IL1R1: variants seen among roughly 807,000 people sequenced by gnomAD.
IL1R1 encodes interleukin-1 receptor type 1.
Under a neutral mutation model 50.2 loss-of-function variants are expected in IL1R1, and 22 were observed. The observed-to-expected ratio is 0.44, with a 90% CI of 0.31 to 0.63. The LOEUF (loss-of-function observed/expected upper bound fraction) is 0.63, where lower values mean the gene tolerates loss of function less well. Among genes scored for constraint, IL1R1 ranks in the 20% least tolerant of loss-of-function variants. The pLI, the probability that IL1R1 is intolerant of heterozygous loss-of-function variation, is 0.07. For missense variants in IL1R1, 509 were observed against 676.2 expected (o/e 0.75, Z 2.74); for synonymous variants, 251 against 236.7 (o/e 1.06, Z -0.55).
At chr2:102,098,242 G>A (rs546694078) in intron 1 of IL1R1, among the ~76,000 whole-genome samples, 1 of 152,234 alleles carries the variant, frequency 6.6e-6, no homozygotes, top group African/African-American at 2.4e-5. Context: ...CAGGAAGAGA[G>A]GAGGTCATTC....
chr2:102,152,497 T>A (rs1577974240), intron 1 of IL1R1, among the ~76,000 whole-genome samples: 1 of 76,770 alleles, frequency 1.3e-5, no homozygotes. Context: ...AGAGCAAGAC[T>A]CCGTCTCAAA....
chr2:102,136,374 A>ATTTTTTTTTT (rs10664336), intron 1 of IL1R1, among the ~76,000 whole-genome samples: 2 of 118,392 alleles, frequency 1.7e-5, no homozygotes, highest in Admixed American at 9.8e-5. Flanking sequence ...GGATAACAGT[A>ATTTTTTTTTT]TTTTTTTTTT....
At chr2:102,100,387 A>G (rs1317552295), upstream of IL1R1, among the ~76,000 whole-genome samples, 1 of 152,180 alleles carries the variant, frequency 6.6e-6, no homozygotes, top group Non-Finnish European at 1.5e-5. Flanking sequence ...AATACCTGGA[A>G]CTGAGCCTGA....
Position 102,172,667 on chromosome 2 carries a change from T to A in IL1R1, c.840-20T>A. 6.3e-7 allele frequency: 1 copy of A among 1,580,614 alleles called. No homozygotes were observed. Among genetic ancestry groups the A allele is most frequent in the South Asian group, 1.2e-5 (1 of 86,688 alleles). On this transcript the variant is annotated intron_variant, in intron 8 of 11. Coordinates refer to ENST00000410023, the MANE Select transcript of IL1R1 (RefSeq NM_000877.4). ...ATGCAATTAACTTACACAAGTTTAT[T>A]TACTCTCTCTCTCGAATAGTGTGGA...
intron 9 of IL1R1, 108 bp from the exon 10 acceptor site, chr2:102,174,479 T>A: frequency 1.4e-6 from 1 of 735,592 alleles, no homozygotes; most frequent in South Asian, 2.1e-5. Context: ...TGCAGGCCAT[T>A]CCCAGATATG....
chr2:102,133,782 G>A (rs1345211718), intron 1 of IL1R1, among the ~76,000 whole-genome samples: 4 of 152,060 alleles, frequency 2.6e-5, no homozygotes, highest in African/African-American at 2.4e-5. Flanking sequence ...GGATGTGTAC[G>A]AAAGGTCTAT....
At chr2:102,158,862 G>A (rs1028235089) in intron 3 of IL1R1, among the ~76,000 whole-genome samples, 4 of 152,160 alleles carry the variant, frequency 2.6e-5, no homozygotes, top group Non-Finnish European at 5.9e-5. Context: ...CCAGTGAAGA[G>A]GCAAGCCATG....
intron 11 of IL1R1, chr2:102,175,889 C>T (rs1686088163): frequency 3.4e-6 from 2 of 596,662 alleles, no homozygotes; most frequent in Non-Finnish European, 5.9e-6. Flanking sequence ...TTAAACCCAA[C>T]AGTTGCTTTA....
intron 1 of IL1R1, among the ~76,000 whole-genome samples, chr2:102,135,597 T>C (rs904527210): frequency 1.1e-4 from 16 of 152,132 alleles, no homozygotes; most frequent in African/African-American, 3.9e-4. Flanking sequence ...GATCACCTGG[T>C]TGATCAAAAG....
chr2:102,165,326 C>T, intron 5 of IL1R1, 22 bp downstream of exon 5: 3 of 1,338,746 alleles, frequency 2.2e-6, no homozygotes, highest in Non-Finnish European at 3.1e-6. Context: ...TTAAATATGA[C>T]ATTTCACTTT....
intron 7 of IL1R1, 34 bp downstream of exon 7, chr2:102,168,697 GGT>G (rs35268097): frequency 1.6e-4 from 186 of 1,183,784 alleles, no homozygotes; most frequent in East Asian, 3.0e-4. Context: ...TGCTGGAATC[GGT>G]TTTTTTTTTT....
intron 1 of IL1R1, among the ~76,000 whole-genome samples, chr2:102,108,071 A>G (rs1680519071): frequency 6.6e-6 from 1 of 152,194 alleles, no homozygotes; most frequent in South Asian, 2.1e-4. Flanking sequence ...GAATAGAGGA[A>G]AAGCAAAAAT....
chr2:102,168,557 C>G, intron 6 of IL1R1, 41 bp from the exon 7 acceptor site: 1 of 1,506,448 alleles, frequency 6.6e-7, no homozygotes, highest in Non-Finnish European at 9.2e-7. Flanking sequence ...AGATTCTGAT[C>G]TATAAGAGAC....
At chr2:102,128,352 C>T (rs1681839694) in intron 1 of IL1R1, among the ~76,000 whole-genome samples, 1 of 152,136 alleles carries the variant, frequency 6.6e-6, no homozygotes, top group Non-Finnish European at 1.5e-5. Context: ...TTCTCAATAC[C>T]TCTATGGTAT....
chr2:102,116,941 G>C (rs974557531), intron 1 of IL1R1, among the ~76,000 whole-genome samples: 1 of 152,128 alleles, frequency 6.6e-6, no homozygotes, highest in African/African-American at 2.4e-5. Context: ...ATTGTGACGT[G>C]TTTGGCTGAG....
At chr2:102,096,275 A>G (rs1679900187) in intron 1 of IL1R1, among the ~76,000 whole-genome samples, 1 of 152,158 alleles carries the variant, frequency 6.6e-6, no homozygotes, top group Admixed American at 6.5e-5. Flanking sequence ...TATTCTTTAG[A>G]CAAAGTTTAA....
At chr2:102,123,619 T>C (rs1681524431) in intron 1 of IL1R1, among the ~76,000 whole-genome samples, 1 of 151,788 alleles carries the variant, frequency 6.6e-6, no homozygotes, top group South Asian at 2.1e-4. Context: ...CTACTAAAAA[T>C]ACAAAAATGT....
chr2:102,072,091 C>G (rs1374352614), intron 1 of IL1R1, among the ~76,000 whole-genome samples: 1 of 151,486 alleles, frequency 6.6e-6, no homozygotes, highest in Non-Finnish European at 1.5e-5. Flanking sequence ...AACCCCGTCT[C>G]TAGTAAAAAT....
chr2:102,080,677 T>C (rs1031372682), intron 1 of IL1R1, among the ~76,000 whole-genome samples: 1 of 152,190 alleles, frequency 6.6e-6, no homozygotes, highest in African/African-American at 2.4e-5. Flanking sequence ...ATGTTCAACA[T>C]AGAGTTGCCA....
Sources: allele counts gnomAD v4.1 joint callset (sites outside exome capture counted in the v4.1 genomes callset), GRCh38; gene constraint gnomAD v4.1.1; transcripts MANE v1.5; gene names NCBI Gene and HGNC (gene_info 2026-07-23, HGNC 2026-07-21).